TLK1: variants seen among roughly 807,000 people sequenced by gnomAD.
TLK1 encodes the protein tousled like kinase 1, also known as serine/threonine-protein kinase tousled-like 1.
In TLK1, 24 loss-of-function variants were observed where a neutral mutation model predicts 105.3. The observed-to-expected ratio is 0.23, with a 90% CI of 0.17 to 0.32. The LOEUF is 0.32. TLK1 is among the 10% of genes least tolerant of loss of function. TLK1 has a pLI of 1.00. For missense variants in TLK1, 558 were observed against 910.5 expected (o/e 0.61, Z 4.98); for synonymous variants, 321 against 310.4 (o/e 1.03, Z -0.36).
intron 12 of TLK1, among the ~76,000 whole-genome samples, chr2:171,016,672 C>A (rs1442783925): frequency 6.6e-6 from 1 of 152,114 alleles, no homozygotes; most frequent in Non-Finnish European, 1.5e-5. Context: ...ATTATCATTT[C>A]ATTCAAAGAC....
intron 3 of TLK1, among the ~76,000 whole-genome samples, chr2:171,075,683 C>T (rs1688469329): frequency 6.6e-6 from 1 of 152,102 alleles, no homozygotes; most frequent in Non-Finnish European, 1.5e-5. Flanking sequence ...AATATCCCAA[C>T]TTCAGTAAGA....
chr2:171,033,241 CA>C (rs1419421146), intron 11 of TLK1, among the ~76,000 whole-genome samples: 1 of 152,070 alleles, frequency 6.6e-6, no homozygotes, highest in Non-Finnish European at 1.5e-5. Context: ...GAAGATAACA[CA>C]GGGGTAAATC....
At chr2:171,081,756 T>C in intron 3 of TLK1, 2 of 1,255,762 alleles carry the variant, frequency 1.6e-6, no homozygotes, top group South Asian at 2.5e-5. Flanking sequence ...CCATACTCCT[T>C]TGTAGTGTCA....
chr2:171,002,030 G>C (rs1256302436), intron 18 of TLK1, among the ~76,000 whole-genome samples: 1 of 152,052 alleles, frequency 6.6e-6, no homozygotes, highest in Non-Finnish European at 1.5e-5. Context: ...GCCCGCCTGG[G>C]CCTCACAAAG....
At chr2:171,065,667 A>G (rs992030417) in intron 3 of TLK1, among the ~76,000 whole-genome samples, 1 of 151,864 alleles carries the variant, frequency 6.6e-6, no homozygotes, top group Non-Finnish European at 1.5e-5. Flanking sequence ...CCTCCCAAGT[A>G]GCTGGGACTA....
intron 2 of TLK1, among the ~76,000 whole-genome samples, chr2:171,101,817 T>G (rs1689706580): frequency 6.6e-6 from 1 of 152,134 alleles, no homozygotes; most frequent in African/African-American, 2.4e-5. Context: ...AAAACACCCA[T>G]GAGACATTGT....
At chr2:171,151,331 A>C (rs1194188670) in intron 1 of TLK1, among the ~76,000 whole-genome samples, 6 of 151,844 alleles carry the variant, frequency 4.0e-5, no homozygotes, top group African/African-American at 2.4e-5. Flanking sequence ...TGGATACATT[A>C]CTTAACTTCT....
At chr2:171,149,480 T>C (rs1691943495) in intron 1 of TLK1, among the ~76,000 whole-genome samples, 1 of 152,232 alleles carries the variant, frequency 6.6e-6, no homozygotes, top group Non-Finnish European at 1.5e-5. Context: ...ACTTTATACA[T>C]GCTACCAACA....
At chr2:171,182,892 A>G (rs902094664) in intron 1 of TLK1, among the ~76,000 whole-genome samples, 1 of 147,200 alleles carries the variant, frequency 6.8e-6, no homozygotes, top group African/African-American at 2.6e-5. Flanking sequence ...ACTGTACTCC[A>G]GCCTGGGTGA....
chr2:171,073,881 C>CG (rs1553473040), intron 3 of TLK1, among the ~76,000 whole-genome samples: 1,811 of 129,058 alleles, frequency 0.014, 66 homozygotes, highest in African/African-American at 0.035. Flanking sequence ...TTCCCCCCCC[C>CG]CCTCCTTTTT....
At chr2:171,002,475 C>G (rs1277904808) in intron 18 of TLK1, among the ~76,000 whole-genome samples, 1 of 151,726 alleles carries the variant, frequency 6.6e-6, no homozygotes, top group Non-Finnish European at 1.5e-5. Context: ...GGGGTTTCAC[C>G]GTGTTAGCCA....
chr2:171,013,600 C>G (rs1685035700), intron 13 of TLK1, among the ~76,000 whole-genome samples: 1 of 152,144 alleles, frequency 6.6e-6, no homozygotes, highest in Non-Finnish European at 1.5e-5. Flanking sequence ...GCCAGCACAC[C>G]TGGCTTTCAT....
rs1201953688 is a variant in TLK1 at position 170,992,779 on chromosome 2, C to T, written c.*1001G>A. The T allele has an allele frequency of 2.0e-5, 3 of 152,406 alleles. No homozygotes were observed. The highest frequency in any genetic ancestry group is 1.9e-4 in the East Asian group (1 of 5,186). 9.4% of individuals were successfully genotyped at this position (152,406 alleles called of 1,614,324 possible). On this transcript the variant is annotated 3_prime_UTR_variant, in exon 21 of 21. Transcript: ENST00000431350. Reference sequence around the variant, plus strand: ...ACATCATTTAGCAGCAATTAGAGTGCCTTCAAGAAGACTTAAAAAAAATAC... The same window carrying T: ...ACATCATTTAGCAGCAATTAGAGTGTCTTCAAGAAGACTTAAAAAAAATAC...
intron 1 of TLK1, among the ~76,000 whole-genome samples, chr2:171,199,921 C>A (rs888515464): frequency 1.3e-5 from 2 of 152,110 alleles, no homozygotes; most frequent in Admixed American, 6.5e-5. Context: ...GAAGCTTTCC[C>A]ACAATAGATC....
chr2:171,182,935 A>AAAAAGAAAGAAAGAAAGAAAG lies in TLK1; in HGVS notation c.-6+48209_-6+48210insCTTTCTTTCTTTCTTTCTTTT, dbSNP rs1553487148. 6.5e-4 allele frequency among the ~76,000 whole-genome samples: 84 copies of AAAAAGAAAGAAAGAAAGAAAG among 128,816 alleles called. 1 individual carries two copies. The highest frequency in any genetic ancestry group is 2.9e-3 in the African/African-American group (79 of 27,586). The allele number at this position is 128,816 out of a possible 152,430, so 84.5% of individuals were successfully genotyped here. On this transcript the variant is annotated intron_variant, in intron 1 of 20. Coordinates refer to the TLK1 transcript ENST00000521943. ...AAACCCTGACTCCAAAAAAAAAAAA[A>AAAAAGAAAGAAAGAAAGAAAG]AAAGAAAGAAAGAAAGAAAGAAAGA...
At chr2:171,016,105 G>A (rs932487104) in intron 12 of TLK1, among the ~76,000 whole-genome samples, 11 of 151,764 alleles carry the variant, frequency 7.2e-5, no homozygotes, top group Non-Finnish European at 1.0e-4. Context: ...GCCACCCGCC[G>A]TCAATAAAAA....
Position 171,192,855 on chromosome 2 carries a change from A to C in TLK1, c.-6+38290T>G, listed in dbSNP as rs1415563868. On this transcript the variant is annotated intron_variant, in intron 1 of 20. Transcript: ENST00000521943. Reference sequence around the variant, plus strand: ...ATGACTGTTCTAGTCATTCATAAGAAGGGTCTTGAACCTGTTCACAAGAGA... The same window carrying C: ...ATGACTGTTCTAGTCATTCATAAGACGGGTCTTGAACCTGTTCACAAGAGA... Among the ~76,000 whole-genome samples the C allele has an allele frequency of 3.9e-5, 6 of 152,338 alleles. No individual in the cohort carries two copies. The East Asian group carries it at 1.2e-3, about 29-fold the overall frequency.
chr2:171,081,767 G>A (rs1334010011), intron 3 of TLK1: 1 of 1,213,714 alleles, frequency 8.2e-7, no homozygotes, highest in Non-Finnish European at 1.1e-6. Flanking sequence ...TGTAGTGTCA[G>A]GGTGCCTGCA....
At chr2:171,202,184 G>A (rs1327484650) in intron 1 of TLK1, among the ~76,000 whole-genome samples, 3 of 152,186 alleles carry the variant, frequency 2.0e-5, no homozygotes, top group Non-Finnish European at 2.9e-5. Context: ...GGCCGGGCGC[G>A]GTGGCTCACG....
Sources: allele counts gnomAD v4.1 joint callset (sites outside exome capture counted in the v4.1 genomes callset), GRCh38; gene constraint gnomAD v4.1.1; transcripts MANE v1.5; gene names NCBI Gene and HGNC (gene_info 2026-07-23, HGNC 2026-07-21).